The following DGKB variants were observed in gnomAD, a reference collection of about 807,000 sequenced individuals.
The protein encoded by DGKB is 90 kDa diacylglycerol kinase.
In DGKB, 67 loss-of-function variants were observed where a neutral mutation model predicts 114.3. The ratio of observed to expected loss-of-function variants is 0.59; its 90% CI spans 0.48 to 0.72. The LOEUF (loss-of-function observed/expected upper bound fraction) is 0.72. Ranked by LOEUF, DGKB falls within the 30% of genes least tolerant of loss-of-function variation. The pLI is 0.00. For synonymous variants in DGKB, 398 were observed against 323.1 expected (o/e 1.23, Z -2.49); for missense variants, 907 against 975.2 (o/e 0.93, Z 0.93).
intron 23 of DGKB, among the ~76,000 whole-genome samples, chr7:14,256,187 A>G (rs1795943534): frequency 1.3e-5 from 2 of 152,058 alleles, no homozygotes; most frequent in Admixed American, 1.3e-4. Context: ...CTCTCATATT[A>G]TCTTCCTCTT....
chr7:14,749,996 T>A lies in DGKB; in HGVS notation c.168+3932A>T, dbSNP rs754071225. 9.1e-5 allele frequency: 40 copies of A among 437,984 alleles called. No homozygotes were observed. The Middle Eastern group carries it at 2.2e-3, about 24-fold the overall frequency. 27.1% of individuals were successfully genotyped at this position (437,984 alleles called of 1,614,324 possible). ...AAGTGTATGACACAGTCTTTTACCT[T>A]ACAGGTCCTCATTATGTAACACTAT... On this transcript the variant is annotated intron_variant, in intron 4 of 25. Coordinates refer to ENST00000402815, the MANE Select transcript of DGKB (RefSeq NM_001350709.2).
chr7:14,799,484 A>G (rs955905018), intron 2 of DGKB, among the ~76,000 whole-genome samples: 1 of 152,184 alleles, frequency 6.6e-6, no homozygotes, highest in African/African-American at 2.4e-5. Context: ...TTCAGAGGGT[A>G]AAAAGTAAAT....
At chr7:14,334,562 T>C (rs186972388) in intron 23 of DGKB, among the ~76,000 whole-genome samples, 1 of 152,112 alleles carries the variant, frequency 6.6e-6, no homozygotes, top group Non-Finnish European at 1.5e-5. Context: ...ATAGTTTTTT[T>C]ATTGTCCGCA....
chr7:14,255,214 G>T (rs149807760), intron 23 of DGKB, among the ~76,000 whole-genome samples: 1 of 152,214 alleles, frequency 6.6e-6, no homozygotes, highest in Non-Finnish European at 1.5e-5. Flanking sequence ...CTTGAAAGAA[G>T]ATGTAAACTT....
At position 14,146,479 on chromosome 7, in the gene DGKB, GA is replaced by G. The variant is rs1169129258; in HGVS notation, c.*2651del. On this transcript the variant is annotated 3_prime_UTR_variant, in exon 26 of 26. Coordinates refer to ENST00000402815, the MANE Select transcript of DGKB (RefSeq NM_001350709.2). ...AGCTGAAAATTTATCTGCACACATA[GA>G]AGAGAAGTTTCCATCTTGTAAAGCT... 1 of 152,086 alleles carries G rather than the reference GA, an allele frequency of 6.6e-6. No homozygotes were observed. The highest frequency in any genetic ancestry group is 1.5e-5 in the Non-Finnish European group (1 of 67,998). 9.4% of individuals were successfully genotyped at this position (152,086 alleles called of 1,614,324 possible). A position where few individuals can be genotyped will look rare whatever the true frequency, so the allele number is the denominator to read the frequency against.
At chr7:14,281,266 A>G (rs531691340) in intron 23 of DGKB, among the ~76,000 whole-genome samples, 13 of 151,766 alleles carry the variant, frequency 8.6e-5, no homozygotes, top group South Asian at 2.1e-4. Flanking sequence ...GACAAAAAAG[A>G]CCATTACATA....
intron 1 of DGKB, among the ~76,000 whole-genome samples, chr7:14,971,441 A>C (rs1020550932): frequency 2.6e-5 from 4 of 152,140 alleles, no homozygotes; most frequent in African/African-American, 9.7e-5. Flanking sequence ...TCTAGCCACA[A>C]GATAGCTGTC....
intron 1 of DGKB, among the ~76,000 whole-genome samples, chr7:14,913,770 C>G (rs534922805): frequency 3.7e-4 from 56 of 151,948 alleles, no homozygotes; most frequent in Non-Finnish European, 7.4e-4. Flanking sequence ...TCAACTCACT[C>G]CAACATATAA....
intron 19 of DGKB, among the ~76,000 whole-genome samples, chr7:14,575,240 A>G (rs377506500): frequency 1.3e-5 from 2 of 152,176 alleles, no homozygotes; most frequent in East Asian, 3.9e-4. Flanking sequence ...GCAGTTCTCA[A>G]AACTAGCCCT....
intron 2 of DGKB, among the ~76,000 whole-genome samples, chr7:14,827,185 C>A (rs2128114011): frequency 6.6e-6 from 1 of 152,228 alleles, no homozygotes; most frequent in South Asian, 2.1e-4. Context: ...TGATTACCTT[C>A]TCATATTATC....
At position 14,627,324 on chromosome 7, in the gene DGKB, G is replaced by A. The variant is rs1409908372; in HGVS notation, c.1167+2912C>T. On this transcript the variant is annotated intron_variant, in intron 14 of 25. Coordinates refer to ENST00000402815, the MANE Select transcript of DGKB (RefSeq NM_001350709.2). ...AACTGGTCTTAAAGTACCTGGGGGTGTTAGTCACTTCCTACACTTGAAGGT... is the reference window on the plus strand; with the variant it reads ...AACTGGTCTTAAAGTACCTGGGGGTATTAGTCACTTCCTACACTTGAAGGT... Among the ~76,000 whole-genome samples the A allele has an allele frequency of 2.0e-5, 3 of 152,080 alleles. No individual in the cohort carries two copies. The East Asian group carries it at 5.8e-4, about 29-fold the overall frequency.
At chr7:14,662,391 G>A (rs941158161) in intron 13 of DGKB, among the ~76,000 whole-genome samples, 24 of 151,740 alleles carry the variant, frequency 1.6e-4, no homozygotes, top group Non-Finnish European at 1.5e-4. Flanking sequence ...TCTTCATTAG[G>A]AATGGGTTTA....
At chr7:14,608,034 CA>C (rs1201589097) in intron 16 of DGKB, among the ~76,000 whole-genome samples, 1 of 151,892 alleles carries the variant, frequency 6.6e-6, no homozygotes, top group Non-Finnish European at 1.5e-5. Context: ...TTCACATAAA[CA>C]AGATCTTGAC....
At chr7:14,723,559 G>T (rs1182825347) in intron 5 of DGKB, among the ~76,000 whole-genome samples, 1 of 149,578 alleles carries the variant, frequency 6.7e-6, no homozygotes, top group Non-Finnish European at 1.5e-5. Flanking sequence ...ATGTGTGTGT[G>T]TGTATATATA....
At chr7:14,642,066 G>C (rs946632987) in intron 13 of DGKB, among the ~76,000 whole-genome samples, 2 of 152,044 alleles carry the variant, frequency 1.3e-5, no homozygotes, top group East Asian at 1.9e-4. Flanking sequence ...CTCTACAGTA[G>C]TAAAAGGAGA....
At chr7:14,811,349 A>G (rs1490541075) in intron 2 of DGKB, among the ~76,000 whole-genome samples, 1 of 152,210 alleles carries the variant, frequency 6.6e-6, no homozygotes, top group African/African-American at 2.4e-5. Context: ...CCGGGACTAC[A>G]GGAGAACTCC....
At chr7:14,590,985 C>A (rs755900399) in intron 17 of DGKB, among the ~76,000 whole-genome samples, 15 of 152,122 alleles carry the variant, frequency 9.9e-5, no homozygotes, top group Non-Finnish European at 2.2e-4. Context: ...CAATCTGAAA[C>A]TGTAGCTAGC....
chr7:14,373,369 G>A (rs373243121), intron 21 of DGKB, among the ~76,000 whole-genome samples: 5 of 152,192 alleles, frequency 3.3e-5, no homozygotes, highest in African/African-American at 1.2e-4. Context: ...ATTTTTGTTT[G>A]TTTCTATTTG....
intron 20 of DGKB, among the ~76,000 whole-genome samples, chr7:14,571,838 CA>C (rs1234302393): frequency 2.0e-5 from 3 of 152,148 alleles, no homozygotes; most frequent in Admixed American, 6.5e-5. Flanking sequence ...CATTTTGACA[CA>C]GGGGTGATCT....
Sources: allele counts gnomAD v4.1 joint callset (sites outside exome capture counted in the v4.1 genomes callset), GRCh38; gene constraint gnomAD v4.1.1; transcripts MANE v1.5; gene names NCBI Gene and HGNC (gene_info 2026-07-23, HGNC 2026-07-21).